KIAA0825: variants seen among roughly 807,000 people sequenced by gnomAD.
The protein encoded by KIAA0825 is KIAA0825.
Under a neutral mutation model 147.6 loss-of-function variants are expected in KIAA0825, and 119 were observed. That is an observed-to-expected ratio of 0.81 (90% CI 0.69 to 0.94). The LOEUF (loss-of-function observed/expected upper bound fraction) is 0.94. Among genes scored for constraint, KIAA0825 ranks in the 40% least tolerant of loss-of-function variants. The pLI is 0.00. For missense variants in KIAA0825, 1,381 were observed against 1,472.7 expected (o/e 0.94, Z 1.02); for synonymous variants, 470 against 518.1 (o/e 0.91, Z 1.26).
intron 20 of KIAA0825, among the ~76,000 whole-genome samples, chr5:94,335,970 A>G (rs1018897264): frequency 6.6e-6 from 1 of 152,208 alleles, no homozygotes; most frequent in African/African-American, 2.4e-5. Flanking sequence ...GTTGTGTCAA[A>G]TTTGATTTGC....
chr5:94,324,832 A>G (rs1274913231), intron 20 of KIAA0825, among the ~76,000 whole-genome samples: 1 of 151,506 alleles, frequency 6.6e-6, no homozygotes, highest in Admixed American at 6.6e-5. Context: ...TCTATTAGGT[A>G]ATTCATCATT....
intron 20 of KIAA0825, among the ~76,000 whole-genome samples, chr5:94,375,558 A>G (rs1747436296): frequency 6.6e-6 from 1 of 152,172 alleles, no homozygotes; most frequent in East Asian, 1.9e-4. Context: ...CAAATGTTTT[A>G]GCCCAATCCA....
At position 94,565,389 on chromosome 5, in the gene KIAA0825, C is replaced by G. The variant is rs1778530628; in HGVS notation, c.-2+17044G>C. ...ACAGAATCTCCTTTTGTTGCCCAGG[C>G]TGGGTGCAGTGGTGCAATCTCAGCT... is the stretch of plus-strand genomic sequence containing the variant. On this transcript the variant is annotated intron_variant, in intron 2 of 20. Transcript: ENST00000682413. 4.1e-5 allele frequency among the ~76,000 whole-genome samples: 6 copies of G among 148,114 alleles called. No individual in the cohort carries two copies. The South Asian group carries it at 1.3e-3, about 31-fold the overall frequency.
At chr5:94,566,233 T>C (rs903749795) in intron 2 of KIAA0825, among the ~76,000 whole-genome samples, 2 of 152,128 alleles carry the variant, frequency 1.3e-5, no homozygotes, top group African/African-American at 2.4e-5. Flanking sequence ...ACAAGAAATA[T>C]ATCTAGGAAG....
intron 20 of KIAA0825, among the ~76,000 whole-genome samples, chr5:94,213,845 G>T (rs7712087): frequency 0.017 from 2,575 of 152,146 alleles, 79 homozygotes; most frequent in African/African-American, 0.058. Context: ...CCTTTCTCTT[G>T]TTCCAGGAAG....
In KIAA0825 at chr5:94,208,184, A is replaced by G. The variant is rs188956040; in HGVS notation, c.3711-54060T>C. Among the ~76,000 whole-genome samples the G allele has an allele frequency of 2.4e-4, 36 of 152,342 alleles. 1 individual carries two copies. The highest frequency in any genetic ancestry group is 2.3e-3 in the Admixed American group (35 of 15,286). ...ATCAAAGCTAATAGAGAAAATATAA[A>G]GCAGAATAGTATTTGACAGACAAAC... On this transcript the variant is annotated intron_variant, in intron 20 of 20. Coordinates refer to ENST00000682413, the MANE Select transcript of KIAA0825 (RefSeq NM_001145678.3).
At chr5:94,411,025 T>C (rs1046673428) in intron 15 of KIAA0825, among the ~76,000 whole-genome samples, 2 of 152,072 alleles carry the variant, frequency 1.3e-5, no homozygotes, top group African/African-American at 4.8e-5. Flanking sequence ...AATTGTAGGG[T>C]TTATAATACT....
intron 13 of KIAA0825, among the ~76,000 whole-genome samples, chr5:94,443,387 T>C (rs1329714318): frequency 6.6e-6 from 1 of 151,562 alleles, no homozygotes; most frequent in African/African-American, 2.4e-5. Context: ...CACACACGTA[T>C]GTATGTATCA....
intron 20 of KIAA0825, among the ~76,000 whole-genome samples, chr5:94,350,692 A>C (rs564583171): frequency 3.5e-4 from 54 of 152,320 alleles, no homozygotes; most frequent in African/African-American, 1.2e-3. Context: ...TGATCATCTT[A>C]ATAGATGCAG....
intron 13 of KIAA0825, among the ~76,000 whole-genome samples, chr5:94,451,353 T>C (rs1758378623): frequency 6.6e-6 from 1 of 152,200 alleles, no homozygotes; most frequent in South Asian, 2.1e-4. Context: ...TCTTCATATA[T>C]AAAACTTTGT....
At chr5:94,382,530 C>T (rs768318505) in intron 20 of KIAA0825, among the ~76,000 whole-genome samples, 19 of 152,250 alleles carry the variant, frequency 1.2e-4, no homozygotes, top group African/African-American at 2.2e-4. Flanking sequence ...CATCATAGCT[C>T]GTGTGCGGTA....
At chr5:94,205,587 G>A (rs1048671202) in intron 20 of KIAA0825, among the ~76,000 whole-genome samples, 8 of 151,926 alleles carry the variant, frequency 5.3e-5, no homozygotes, top group Non-Finnish European at 8.8e-5. Flanking sequence ...CACCATGCCC[G>A]GCCCAATCTT....
At chr5:94,219,368 C>CA (rs1204180579) in intron 20 of KIAA0825, among the ~76,000 whole-genome samples, 5 of 152,078 alleles carry the variant, frequency 3.3e-5, no homozygotes, top group Admixed American at 1.3e-4. Context: ...ACTTGCCCAC[C>CA]ACTCACCTCC....
chr5:94,193,249 C>T (rs1770836485), intron 20 of KIAA0825, among the ~76,000 whole-genome samples: 1 of 152,294 alleles, frequency 6.6e-6, no homozygotes, highest in East Asian at 1.9e-4. Context: ...TCTTTTTCCT[C>T]TGTATCAGGT....
rs191289436 is a variant in KIAA0825 at position 94,225,392 on chromosome 5, A to C, written c.3711-71268T>G. Reference sequence around the variant, plus strand: ...CTTCTGGTTTGACCAGGACTTTTCAACTTAGTTTATTTGCTTTTCCCCCTG... The same window carrying C: ...CTTCTGGTTTGACCAGGACTTTTCACCTTAGTTTATTTGCTTTTCCCCCTG... On this transcript the variant is annotated intron_variant, in intron 20 of 20. Coordinates refer to ENST00000682413, the MANE Select transcript of KIAA0825 (RefSeq NM_001145678.3). Among the ~76,000 whole-genome samples the C allele has an allele frequency of 7.9e-3, 1,206 of 152,320 alleles. 5 individuals are homozygous for C. The highest frequency in any genetic ancestry group is 0.011 in the Non-Finnish European group (759 of 68,008).
intron 20 of KIAA0825, among the ~76,000 whole-genome samples, chr5:94,225,866 A>G (rs1246561604): frequency 6.6e-6 from 1 of 152,236 alleles, no homozygotes; most frequent in Non-Finnish European, 1.5e-5. Context: ...ACTTAACTCA[A>G]GATGGATTAA....
chr5:94,374,549 T>C, intron 20 of KIAA0825, among the ~76,000 whole-genome samples: 1 of 152,190 alleles, frequency 6.6e-6, no homozygotes, highest in East Asian at 1.9e-4. Context: ...GTATCTATCA[T>C]AGTATTTGTG....
Position 94,470,101 on chromosome 5 carries a change from G to A in KIAA0825, c.1732C>T (p.Leu578=). The change falls in exon 10 of 21, where the codon CTG becomes TTG. Residue 578 remains leucine (L), a synonymous_variant. Transcript: ENST00000682413. ...TCCTGATATCGTTGGACAAGCACCA[G>A]GAATATGGGTCTGTTCAGAGAGAAT... The part of the protein sequence containing the change: ...MKEMTKKPIF[L]VLVQRYQEFI... 6.4e-7 allele frequency: 1 copy of A among 1,551,346 alleles called. No individual in the cohort carries two copies. Among genetic ancestry groups the A allele is most frequent in the Non-Finnish European group, 8.7e-7 (1 of 1,146,870 alleles).
In KIAA0825 at chr5:94,537,505, G is replaced by T. The variant is rs150704509; in HGVS notation, c.-1-378C>A. 9.1e-4 allele frequency among the ~76,000 whole-genome samples: 138 copies of T among 152,212 alleles called. 2 individuals carry two copies. The East Asian group carries it at 0.025, about 27-fold the overall frequency. On this transcript the variant is annotated intron_variant, in intron 2 of 20. Transcript: ENST00000682413. ...TCTCTACTAAATGTACAAAAAACTA[G>T]TCAGGCGTGATGGTGGGCGCCTGTA...
Sources: gnomAD v4.1 joint callset for allele counts (sites outside exome capture counted in the v4.1 genomes callset) on GRCh38, gnomAD v4.1.1 for gene constraint, MANE v1.5 for transcripts, NCBI Gene and HGNC (gene_info 2026-07-23, HGNC 2026-07-21) for gene names.